The following TUSC3 variants were observed in gnomAD, a reference collection of about 807,000 sequenced individuals.
TUSC3 encodes the protein tumor suppressor candidate 3, also known as dolichyl-diphosphooligosaccharide--protein glycosyltransferase subunit TUSC3.
In TUSC3, 45 loss-of-function variants were observed where a neutral mutation model predicts 44.8. That is an observed-to-expected ratio of 1.00 (90% CI 0.79 to 1.29). The LOEUF (loss-of-function observed/expected upper bound fraction) is 1.29. Ranked by LOEUF, TUSC3 falls within the 50% of genes most tolerant of loss-of-function variation. TUSC3 has a pLI of 0.00. For missense variants in TUSC3, 519 were observed against 437.9 expected, an observed-to-expected ratio of 1.19 and a Z score of -1.65; for synonymous variants, 212 against 152.9, an observed-to-expected ratio of 1.39 and a Z score of -2.85.
chr8:15,426,001 T>C (rs1257192951), intron 1 of TUSC3, among the ~76,000 whole-genome samples: 3 of 152,182 alleles, frequency 2.0e-5, no homozygotes, highest in Non-Finnish European at 4.4e-5. Context: ...GGACAACAGA[T>C]TGAGGCTCTG....
At chr8:15,519,243 A>G (rs1215025373) in intron 2 of TUSC3, among the ~76,000 whole-genome samples, 1 of 152,206 alleles carries the variant, frequency 6.6e-6, no homozygotes, top group Non-Finnish European at 1.5e-5. Flanking sequence ...AAAATTTTTT[A>G]GAGATAAAAT....
chr8:15,619,088 A>C (rs1368186916), intron 1 of TUSC3, among the ~76,000 whole-genome samples: 6 of 152,212 alleles, frequency 3.9e-5, no homozygotes, highest in Non-Finnish European at 8.8e-5. Context: ...TTTGATACTT[A>C]AAATTCAAAG....
the TUSC3 span, chr8:15,806,321 T>C: frequency 1.4e-6 from 1 of 712,752 alleles, no homozygotes; most frequent in South Asian, 1.4e-5. Flanking sequence ...CAGGGACACC[T>C]TCCCCCTGCT....
At chr8:15,587,544 C>G (rs1803650528) in intron 1 of TUSC3, among the ~76,000 whole-genome samples, 1 of 152,088 alleles carries the variant, frequency 6.6e-6, no homozygotes, top group African/African-American at 2.4e-5. Context: ...TCCAGCACCC[C>G]AAATATTTAT....
At chr8:15,753,502 A>C (rs1320761944) in intron 9 of TUSC3, among the ~76,000 whole-genome samples, 2 of 152,108 alleles carry the variant, frequency 1.3e-5, no homozygotes, top group Non-Finnish European at 2.9e-5. Context: ...TACAGTGGAC[A>C]TGGGAGCATT....
intron 1 of TUSC3, among the ~76,000 whole-genome samples, chr8:15,544,921 T>A (rs1026237345): frequency 3.3e-5 from 5 of 151,822 alleles, no homozygotes; most frequent in African/African-American, 1.2e-4. Flanking sequence ...GTGTCATGGA[T>A]GATGGCAGAA....
upstream of TUSC3, among the ~76,000 whole-genome samples, chr8:15,535,426 C>T (rs77394227): frequency 4.5e-4 from 68 of 152,288 alleles, no homozygotes; most frequent in Middle Eastern, 3.4e-3. Flanking sequence ...GATTCATCTA[C>T]TCATTCAACA....
intron 1 of TUSC3, among the ~76,000 whole-genome samples, chr8:15,474,857 C>G (rs1038204957): frequency 7.2e-5 from 11 of 152,284 alleles, no homozygotes; most frequent in African/African-American, 2.6e-4. Flanking sequence ...CCCATCCCAA[C>G]CCTGACCGTC....
intron 1 of TUSC3, among the ~76,000 whole-genome samples, chr8:15,564,230 ATAT>A (rs1802583539): frequency 6.6e-6 from 1 of 152,118 alleles, no homozygotes; most frequent in Admixed American, 6.5e-5. Flanking sequence ...GAGGTTATTA[ATAT>A]TATGGAGAAT....
chr8:15,493,778 A>G (rs182246514), intron 2 of TUSC3, among the ~76,000 whole-genome samples: 1 of 152,194 alleles, frequency 6.6e-6, no homozygotes, highest in South Asian at 2.1e-4. Context: ...TAAAACTTAC[A>G]TTAAGTGTAC....
intron 6 of TUSC3, among the ~76,000 whole-genome samples, chr8:15,713,861 A>T (rs1019083161): frequency 6.6e-6 from 1 of 152,150 alleles, no homozygotes; most frequent in Non-Finnish European, 1.5e-5. Context: ...TTCAGCCTCT[A>T]ACAGAGCAAT....
intron 6 of TUSC3, among the ~76,000 whole-genome samples, chr8:15,692,375 G>GTTTTTTTTTTTTTTTTT (rs59838929): frequency 1.5e-4 from 10 of 68,344 alleles, no homozygotes; most frequent in Admixed American, 2.4e-4. Flanking sequence ...CCCCCCCTTT[G>GTTTTTTTTTTTTTTTTT]TTTTTTTTTT....
At chr8:15,763,484 G>C (rs966630705) in intron 10 of TUSC3, among the ~76,000 whole-genome samples, 2 of 151,444 alleles carry the variant, frequency 1.3e-5, no homozygotes, top group South Asian at 2.1e-4. Flanking sequence ...TTTGTCTCTG[G>C]TTGCCTTGCA....
At chr8:15,685,572 T>C (rs2129187301) in intron 6 of TUSC3, among the ~76,000 whole-genome samples, 2 of 152,282 alleles carry the variant, frequency 1.3e-5, no homozygotes, top group South Asian at 4.1e-4. Context: ...GGGCCTGTGT[T>C]TTGAATTGTA....
the TUSC3 span, among the ~76,000 whole-genome samples, chr8:15,817,264 T>C: frequency 2.6e-4 from 40 of 152,228 alleles, 2 homozygotes; most frequent in South Asian, 8.3e-3. Context: ...TTCTTCATGG[T>C]ATGTGGTGGC....
At chr8:15,476,253 C>T (rs1274174997) in intron 1 of TUSC3, among the ~76,000 whole-genome samples, 1 of 152,164 alleles carries the variant, frequency 6.6e-6, no homozygotes, top group African/African-American at 2.4e-5. Context: ...AAAATAGCTA[C>T]ACGAATTCAT....
At chr8:15,750,058 C>T (rs991133962) in intron 9 of TUSC3, among the ~76,000 whole-genome samples, 7 of 150,348 alleles carry the variant, frequency 4.7e-5, no homozygotes, top group African/African-American at 1.7e-4. Flanking sequence ...CGGCTCACTG[C>T]AAGCTCCGCC....
chr8:15,422,756 C>T (rs1428852197), intron 1 of TUSC3, among the ~76,000 whole-genome samples: 1 of 151,908 alleles, frequency 6.6e-6, no homozygotes. Context: ...AGGCGCCCCA[C>T]CTCAGCCTCC....
At chr8:15,835,274 T>A in the TUSC3 span, among the ~76,000 whole-genome samples, 1 of 152,338 alleles carries the variant, frequency 6.6e-6, no homozygotes, top group East Asian at 1.9e-4. Flanking sequence ...TCTTAGAATA[T>A]CTTCTATGTC....
Sources: gnomAD v4.1 joint callset for allele counts (sites outside exome capture counted in the v4.1 genomes callset) on GRCh38, gnomAD v4.1.1 for gene constraint, MANE v1.5 for transcripts, NCBI Gene and HGNC (gene_info 2026-07-23, HGNC 2026-07-21) for gene names.